The following AREL1 variants were observed in gnomAD, a reference collection of about 807,000 sequenced individuals.
AREL1 encodes apoptosis-resistant E3 ubiquitin protein ligase 1.
In AREL1, 62 loss-of-function variants were observed where a neutral mutation model predicts 99.0. The ratio of observed to expected loss-of-function variants is 0.63; its 90% CI spans 0.51 to 0.77. AREL1 has a LOEUF of 0.77. Ranked by LOEUF, AREL1 falls within the 30% of genes least tolerant of loss-of-function variation. AREL1 has a pLI of 0.00. For synonymous variants in AREL1, 380 were observed against 376.5 expected, an observed-to-expected ratio of 1.01 and a Z score of -0.11; for missense variants, 879 against 1,027.6, an observed-to-expected ratio of 0.86 and a Z score of 1.98.
In AREL1 at chr14:74,662,356, A is replaced by C. The variant is rs74959318; in HGVS notation, c.*1364T>G. 1.0e-3 allele frequency: 401 copies of C among 382,122 alleles called. 2 individuals carry two copies. Among genetic ancestry groups the C allele is most frequent in the African/African-American group, 7.2e-3 (350 of 48,430 alleles). 23.7% of individuals were successfully genotyped at this position (382,122 alleles called of 1,614,324 possible). ...GGTTTTGGCAATAAAGATGGCTTGT[A>C]ATATTCTCAGAGTTGACTGCCCCAT... is the stretch of plus-strand genomic sequence containing the variant. On this transcript the variant is annotated 3_prime_UTR_variant, in exon 20 of 20. Coordinates refer to ENST00000356357, the MANE Select transcript of AREL1 (RefSeq NM_001039479.2).
At chr14:74,672,799 G>T in intron 11 of AREL1, 32 bp downstream of exon 11, 1 of 1,612,858 alleles carries the variant, frequency 6.2e-7, no homozygotes, top group Non-Finnish European at 8.5e-7. Context: ...GAAAACTTTG[G>T]TATCTGCTGA....
At chr14:74,710,110 T>C (rs998183606) in intron 1 of AREL1, among the ~76,000 whole-genome samples, 2 of 152,208 alleles carry the variant, frequency 1.3e-5, no homozygotes, top group African/African-American at 4.8e-5. Context: ...AAATCAACAC[T>C]ACCTCCCAGC....
In AREL1 at chr14:74,662,753, G is replaced by C. The variant is rs959331900; in HGVS notation, c.*967C>G. The stretch of plus-strand genomic sequence containing the variant: ...TGCCAGAGAACACCAAGCAGAGAGA[G>C]AATCAGGGATTGCTGGCATACTATT... On this transcript the variant is annotated 3_prime_UTR_variant, in exon 20 of 20. Transcript: ENST00000356357. 4 of 396,928 alleles carry C rather than the reference G, an allele frequency of 1.0e-5. No individual in the cohort carries two copies. The highest frequency in any genetic ancestry group is 3.6e-5 in the East Asian group (1 of 27,986). 24.6% of individuals were successfully genotyped at this position (396,928 alleles called of 1,614,324 possible).
chr14:74,680,983 A>C (rs553260697), intron 5 of AREL1, among the ~76,000 whole-genome samples: 1 of 152,022 alleles, frequency 6.6e-6, no homozygotes, highest in Admixed American at 6.5e-5. Context: ...AGGAGTTAGA[A>C]ACCAGCTTGG....
chr14:74,696,691 A>G (rs2089984780), intron 1 of AREL1, among the ~76,000 whole-genome samples: 1 of 152,150 alleles, frequency 6.6e-6, no homozygotes, highest in Admixed American at 6.6e-5. Flanking sequence ...TTGGTCAGGT[A>G]TGGTGGCTCA....
At chr14:74,702,395 G>A (rs1297409988) in intron 1 of AREL1, among the ~76,000 whole-genome samples, 1 of 152,194 alleles carries the variant, frequency 6.6e-6, no homozygotes, top group Non-Finnish European at 1.5e-5. Context: ...AGCTGCCAAG[G>A]CTTGGGGCTT....
chr14:74,693,036 G>T (rs1009419985), intron 1 of AREL1, among the ~76,000 whole-genome samples: 1 of 152,174 alleles, frequency 6.6e-6, no homozygotes, highest in South Asian at 2.1e-4. Context: ...GACTTAAAGA[G>T]TAACCTTCAG....
At chr14:74,691,521 C>T (rs1365160280) in intron 2 of AREL1, among the ~76,000 whole-genome samples, 2 of 151,974 alleles carry the variant, frequency 1.3e-5, no homozygotes, top group East Asian at 3.9e-4. Context: ...CATAGCAAGG[C>T]TAAAATTAGA....
chr14:74,671,934 T>C (rs17101852), intron 11 of AREL1: 7,474 of 448,950 alleles, frequency 0.017, 227 homozygotes, highest in African/African-American at 0.079. Flanking sequence ...ACACGGAGAA[T>C]ATGGCTGAGA....
chr14:74,663,731 C>T lies in AREL1; in HGVS notation c.2461G>A (p.Gly821Ser). The change falls in exon 20 of 20, where the codon GGC (glycine) becomes AGC (serine). Residue 821 changes from glycine to serine, a missense_variant. Coordinates refer to ENST00000356357, the MANE Select transcript of AREL1 (RefSeq NM_001039479.2). ...LAISEGCEGF[G>S]ML ...TGACAGGAGAGTGGTCAGAGCATGC[C>T]AAAGCCCTCGCAACCCTCGCTGATG... The T allele has an allele frequency of 1.2e-6, 2 of 1,613,960 alleles. No individual in the cohort carries two copies. The highest frequency in any genetic ancestry group is 1.7e-6 in the Non-Finnish European group (2 of 1,180,034).
Position 74,683,397 on chromosome 14 carries a change from T to G in AREL1, c.380A>C (p.Lys127Thr). 6.2e-7 allele frequency: 1 copy of G among 1,614,104 alleles called. No individual in the cohort carries two copies. The highest frequency in any genetic ancestry group is 8.5e-7 in the Non-Finnish European group (1 of 1,180,000). Residue 127 changes from lysine to threonine, a missense_variant, in exon 5 of 20, where the codon AAA becomes ACA. Coordinates refer to ENST00000356357, the MANE Select transcript of AREL1 (RefSeq NM_001039479.2). Reference protein sequence around the residue: ...VLQEPNSNVVKVAFTVRKAGR... With the variant: ...VLQEPNSNVVTVAFTVRKAGR... ...AGCCTTGCGCACAGTGAAGGCCACT[T>G]TTACTACGTTGGAATTGGGCTCCTG...
At chr14:74,692,848 C>T (rs766626623) in intron 1 of AREL1, among the ~76,000 whole-genome samples, 5 of 152,200 alleles carry the variant, frequency 3.3e-5, no homozygotes, top group African/African-American at 7.2e-5. Flanking sequence ...GGACTACAGG[C>T]GTGCACTACC....
chr14:74,677,563 G>T (rs2089519412), intron 5 of AREL1, among the ~76,000 whole-genome samples: 1 of 126,362 alleles, frequency 7.9e-6, no homozygotes, highest in African/African-American at 3.0e-5. Context: ...CTGGAATGCA[G>T]TGGCACGATC....
Position 74,663,842 on chromosome 14 carries a change from G to A in AREL1, c.2370-20C>T, listed in dbSNP as rs142627701. On this transcript the variant is annotated intron_variant, in intron 19 of 19. Transcript: ENST00000356357. ...TTAAAACTGGAAGGGCAAGGGAGAA[G>A]TGATTAACTCATACCACCAAAAACA... is the stretch of plus-strand genomic sequence containing the variant. 3 of 1,614,178 alleles carry A rather than the reference G, an allele frequency of 1.9e-6. No homozygotes were observed. Among genetic ancestry groups the A allele is most frequent in the African/African-American group, 1.3e-5 (1 of 75,056 alleles).
At position 74,676,229 on chromosome 14, in the gene AREL1, G is replaced by A; in HGVS notation, c.744C>T (p.Thr248=). Residue 248 remains threonine, a synonymous_variant, in exon 7 of 20, where the codon ACC becomes ACT. Transcript: ENST00000356357. ...RQTFQVFLRL[T]LHSRGCFHAC... ...CATGGAAGCAGCCTCGAGAATGCAG[G>A]GTGAGTCGCAAGAACACCTGGAAAG... 1 of 1,614,076 alleles carries A rather than the reference G, an allele frequency of 6.2e-7. No individual in the cohort carries two copies. Among genetic ancestry groups the A allele is most frequent in the Non-Finnish European group, 8.5e-7 (1 of 1,180,014 alleles).
At chr14:74,705,610 C>G (rs1255161456) in intron 1 of AREL1, among the ~76,000 whole-genome samples, 1 of 151,788 alleles carries the variant, frequency 6.6e-6, no homozygotes, top group Non-Finnish European at 1.5e-5. Context: ...AGATCATGCC[C>G]ACCTTACTGA....
intron 17 of AREL1, 90 bp from the exon 18 acceptor site, chr14:74,665,015 G>A: frequency 9.9e-7 from 1 of 1,011,248 alleles, no homozygotes; most frequent in Non-Finnish European, 1.5e-6. Flanking sequence ...CAGGCAAAAT[G>A]TAGAAGAAAA....
chr14:74,672,787 T>C (rs926106981), intron 11 of AREL1, 44 bp downstream of exon 11: 9 of 1,611,816 alleles, frequency 5.6e-6, no homozygotes, highest in Non-Finnish European at 7.6e-6. Flanking sequence ...GACATTCAAT[T>C]GGAAAACTTT....
chr14:74,692,422 G>A (rs2089902332), intron 1 of AREL1, 94 bp from the exon 2 acceptor site: 1 of 352,454 alleles, frequency 2.8e-6, no homozygotes. Flanking sequence ...AGAACAGGCA[G>A]TGGAAACCCT....
Sources: allele counts gnomAD v4.1 joint callset (sites outside exome capture counted in the v4.1 genomes callset), GRCh38; gene constraint gnomAD v4.1.1; transcripts MANE v1.5; gene names NCBI Gene and HGNC (gene_info 2026-07-23, HGNC 2026-07-21).